BANP: variants seen among roughly 807,000 people sequenced by gnomAD.
BANP encodes BTG3 associated nuclear protein, also known as protein BANP.
In BANP, 11 loss-of-function variants were observed where a neutral mutation model predicts 68.1. That is an observed-to-expected ratio of 0.16 (90% CI 0.10 to 0.27). The LOEUF is 0.27. BANP is among the 10% of genes least tolerant of loss of function. The probability of loss-of-function intolerance (pLI) is 1.00; values close to 1 mark genes in which losing one functional copy is unlikely to be tolerated. For missense variants in BANP, 504 were observed against 722.7 expected, an observed-to-expected ratio of 0.70 and a Z score of 3.47; for synonymous variants, 329 against 303.2, an observed-to-expected ratio of 1.09 and a Z score of -0.88.
chr16:87,981,527 A>G (rs1049396938), intron 3 of BANP, among the ~76,000 whole-genome samples: 1 of 152,208 alleles, frequency 6.6e-6, no homozygotes, highest in Admixed American at 6.5e-5. Flanking sequence ...GAGTTTCTAA[A>G]TTACATCTGC....
At position 87,975,065 on chromosome 16, in the gene BANP, C is replaced by A; in HGVS notation, c.-51C>A. The A allele has an allele frequency of 8.5e-6, 13 of 1,538,150 alleles. No individual in the cohort carries two copies. Among genetic ancestry groups the A allele is most frequent in the Non-Finnish European group, 1.2e-5 (13 of 1,112,558 alleles). ...TTTGGTAGGTGACCAAAAGCCAGCC[C>A]CACTGTGAGTTGAACTCTTTCGTGT... On this transcript the variant is annotated 5_prime_UTR_variant, in exon 2 of 14. Coordinates refer to ENST00000682872, the MANE Select transcript of BANP (RefSeq NM_001386991.1).
intron 6 of BANP, among the ~76,000 whole-genome samples, chr16:88,013,853 C>T (rs1451603349): frequency 6.6e-6 from 1 of 152,188 alleles, no homozygotes; most frequent in African/African-American, 2.4e-5. Flanking sequence ...ATCTCTAGTA[C>T]TTAGAGGAGT....
rs561146685 is a variant in BANP, at chr16:87,957,684, C to G, written c.-69+6169C>G. On this transcript the variant is annotated intron_variant, in intron 1 of 13. Coordinates refer to ENST00000682872, the MANE Select transcript of BANP (RefSeq NM_001386991.1). The surrounding 1 kb of genome is among the most constrained non-coding windows in gnomAD (Gnocchi z 4.3). ...CTTAATCTTTCTGAAAGTAGAAACG[C>G]GTTTGGATGGAGCCGGGAGGGAGAA... Among the ~76,000 whole-genome samples, 1 of 152,244 alleles carries G rather than the reference C, an allele frequency of 6.6e-6. No homozygotes were observed. Among genetic ancestry groups the G allele is most frequent in the Non-Finnish European group, 1.5e-5 (1 of 68,050 alleles).
intron 4 of BANP, among the ~76,000 whole-genome samples, chr16:87,990,406 A>T (rs1476962728): frequency 6.6e-6 from 1 of 152,162 alleles, no homozygotes; most frequent in Admixed American, 6.5e-5. Context: ...CTGACTGTTG[A>T]CCCGTGGATA....
At chr16:88,030,055 C>T (rs2077819282) in intron 8 of BANP, among the ~76,000 whole-genome samples, 1 of 152,266 alleles carries the variant, frequency 6.6e-6, no homozygotes, top group African/African-American at 2.4e-5. Context: ...GCCATGCCTA[C>T]TGGCAGGCTA....
chr16:88,051,278 G>C (rs1033660392), intron 11 of BANP, among the ~76,000 whole-genome samples: 1 of 152,252 alleles, frequency 6.6e-6, no homozygotes, highest in African/African-American at 2.4e-5. Context: ...GTCCATGCCA[G>C]AATCTTGAAT....
At chr16:88,058,536 C>G (rs1171386727) in intron 11 of BANP, among the ~76,000 whole-genome samples, 2 of 152,158 alleles carry the variant, frequency 1.3e-5, no homozygotes, top group Non-Finnish European at 2.9e-5. Context: ...TTCACTCTGA[C>G]CACCTGACAG....
chr16:88,042,728 G>A (rs1438311427), intron 11 of BANP, among the ~76,000 whole-genome samples: 2 of 151,904 alleles, frequency 1.3e-5, no homozygotes, highest in Admixed American at 6.6e-5. Flanking sequence ...TGCCAGCCTG[G>A]GCAACATAGC....
At chr16:88,043,821 G>T (rs930815106) in intron 11 of BANP, among the ~76,000 whole-genome samples, 7 of 152,154 alleles carry the variant, frequency 4.6e-5, no homozygotes, top group African/African-American at 1.7e-4. Flanking sequence ...TCAATTTTCA[G>T]TTAGTGGTAA....
chr16:88,023,209 A>G (rs1180126809), intron 7 of BANP, among the ~76,000 whole-genome samples: 1 of 152,120 alleles, frequency 6.6e-6, no homozygotes, highest in East Asian at 1.9e-4. Flanking sequence ...CAGAAAAGTG[A>G]GCAGAGCCTC....
At chr16:88,027,383 G>C (rs8045732) in intron 7 of BANP, 100 bp from the exon 8 acceptor site, 465,700 of 1,347,878 alleles carry the variant, frequency 0.35, 84,637 homozygotes, top group South Asian at 0.62. Flanking sequence ...TGGGGTGCCT[G>C]GGTGAGGCCT....
At chr16:88,053,645 T>C (rs1276823383) in intron 11 of BANP, among the ~76,000 whole-genome samples, 20 of 130,186 alleles carry the variant, frequency 1.5e-4, no homozygotes, top group African/African-American at 6.3e-4. Flanking sequence ...ATCATCACCA[T>C]CACCAACACA....
chr16:88,062,686 T>A (rs533086334), intron 11 of BANP, among the ~76,000 whole-genome samples: 10 of 152,340 alleles, frequency 6.6e-5, no homozygotes, highest in Admixed American at 6.5e-4. Context: ...TCCGTTCCAA[T>A]GAGCGGCTTC....
intron 6 of BANP, among the ~76,000 whole-genome samples, chr16:88,013,222 C>T (rs750861171): frequency 2.0e-5 from 3 of 152,260 alleles, no homozygotes; most frequent in Non-Finnish European, 4.4e-5. Flanking sequence ...CTTCTGGAGA[C>T]GTCTGAGCGC....
chr16:87,992,178 A>G (rs1344821373), intron 4 of BANP, among the ~76,000 whole-genome samples: 2 of 152,236 alleles, frequency 1.3e-5, no homozygotes, highest in African/African-American at 4.8e-5. Context: ...TTCGAATGCT[A>G]ACCGAACCTT....
chr16:87,976,353 A>C (rs1188532844), intron 2 of BANP, among the ~76,000 whole-genome samples: 1 of 152,178 alleles, frequency 6.6e-6, no homozygotes, highest in African/African-American at 2.4e-5. Flanking sequence ...GCACATGTCT[A>C]CTTTGAAATC....
intron 1 of BANP, among the ~76,000 whole-genome samples, chr16:87,954,838 C>T (rs4843745): frequency 0.38 from 58,523 of 152,184 alleles, 12,195 homozygotes; most frequent in Non-Finnish European, 0.47. Flanking sequence ...GTCACCCGTA[C>T]GGCCAGTCAC....
At position 88,025,862 on chromosome 16, in the gene BANP, A is replaced by T. The variant is rs551175601; in HGVS notation, c.896-1621A>T. On this transcript the variant is annotated intron_variant, in intron 7 of 13. Coordinates refer to ENST00000682872, the MANE Select transcript of BANP (RefSeq NM_001386991.1). ...TTTTCAGCTTAATCTTTTTATTACT[A>T]CAATTTTGGATTCCATCCATGTATT... is the stretch of plus-strand genomic sequence containing the variant. 3.9e-5 allele frequency among the ~76,000 whole-genome samples: 6 copies of T among 152,228 alleles called. No individual in the cohort carries two copies. The South Asian group carries it at 1.2e-3, about 31-fold the overall frequency.
intron 1 of BANP, among the ~76,000 whole-genome samples, chr16:87,964,628 T>G (rs1269755936): frequency 6.6e-6 from 1 of 152,190 alleles, no homozygotes; most frequent in Non-Finnish European, 1.5e-5. Context: ...ATGAGGGGCA[T>G]AGCCTGGCAC....
Sources: allele counts gnomAD v4.1 joint callset (sites outside exome capture counted in the v4.1 genomes callset), GRCh38; gene constraint gnomAD v4.1.1; non-coding constraint Gnocchi (gnomAD v3.1); transcripts MANE v1.5; gene names NCBI Gene and HGNC (gene_info 2026-07-23, HGNC 2026-07-21).